The following TGIF2 variants were observed in gnomAD, a reference collection of about 807,000 sequenced individuals.
TGIF2 encodes TGFB induced factor homeobox 2.
Under a neutral mutation model 15.1 loss-of-function variants are expected in TGIF2, and 5 were observed. That is an observed-to-expected ratio of 0.33 (90% CI 0.17 to 0.70). The LOEUF is 0.70. Among genes scored for constraint, TGIF2 ranks in the 30% least tolerant of loss-of-function variants. The pLI, the probability that TGIF2 is intolerant of heterozygous loss-of-function variation, is 0.67. For missense variants in TGIF2, 264 were observed against 302.5 expected (o/e 0.87, Z 0.94); for synonymous variants, 131 against 128.9 (o/e 1.02, Z -0.11).
intron 1 of TGIF2, among the ~76,000 whole-genome samples, chr20:36,578,532 A>G (rs2038477888): frequency 6.6e-6 from 1 of 152,228 alleles, no homozygotes; most frequent in South Asian, 2.1e-4. Context: ...ATGAGCTGCC[A>G]TTCGGTAGTC....
chr20:36,589,670 C>T (rs1321352468), intron 2 of TGIF2, among the ~76,000 whole-genome samples: 10 of 151,734 alleles, frequency 6.6e-5, no homozygotes, highest in African/African-American at 2.4e-4. Context: ...GGATTACAGG[C>T]GTGAGCCACC....
At chr20:36,577,871 A>C (rs1272334430) in intron 1 of TGIF2, among the ~76,000 whole-genome samples, 21 of 151,920 alleles carry the variant, frequency 1.4e-4, no homozygotes, top group Non-Finnish European at 2.9e-5. Flanking sequence ...GCAGTGGCAC[A>C]AACACAGTTC....
chr20:36,593,848 G>A lies in TGIF2; in HGVS notation c.*2417G>A, dbSNP rs923588388. 1.3e-5 allele frequency: 2 copies of A among 152,590 alleles called. No homozygotes were observed. The highest frequency in any genetic ancestry group is 1.3e-4 in the Admixed American group (2 of 15,272). The allele number at this position is 152,590 out of a possible 1,614,324, so 9.5% of individuals were successfully genotyped here. A position where few individuals can be genotyped will look rare whatever the true frequency, so the allele number is the denominator to read the frequency against. ...GTTTGGTTGTAAGATAAACCTGGAG[G>A]AGAAGCACAGTTGTCCCATTGAATT... On this transcript the variant is annotated 3_prime_UTR_variant, in exon 3 of 3. Coordinates refer to ENST00000373872, the MANE Select transcript of TGIF2 (RefSeq NM_021809.7).
At chr20:36,583,360 G>C (rs891569279) in intron 2 of TGIF2, among the ~76,000 whole-genome samples, 3 of 149,844 alleles carry the variant, frequency 2.0e-5, no homozygotes, top group Admixed American at 1.3e-4. Flanking sequence ...TGGGAGGCTA[G>C]GATGGGAGAC....
intron 1 of TGIF2, among the ~76,000 whole-genome samples, 196 bp from the exon 2 acceptor site, chr20:36,578,545 C>T (rs1488255110): frequency 6.6e-6 from 1 of 152,218 alleles, no homozygotes; most frequent in Non-Finnish European, 1.5e-5. Context: ...CGGTAGTCAC[C>T]TACCTGTTCC....
At chr20:36,584,772 C>A (rs2038619968) in intron 2 of TGIF2, among the ~76,000 whole-genome samples, 1 of 152,118 alleles carries the variant, frequency 6.6e-6, no homozygotes, top group Admixed American at 6.5e-5. Flanking sequence ...GTCTCGAACT[C>A]CCGACCTCAG....
At chr20:36,589,070 T>C (rs1335889859) in intron 2 of TGIF2, among the ~76,000 whole-genome samples, 2 of 152,252 alleles carry the variant, frequency 1.3e-5, no homozygotes. Context: ...TAGAACATTC[T>C]TAGCTTTCTG....
At chr20:36,578,647 T>C (rs948910212) in intron 1 of TGIF2, 94 bp from the exon 2 acceptor site, 6 of 1,352,920 alleles carry the variant, frequency 4.4e-6, no homozygotes, top group Non-Finnish European at 5.9e-6. Context: ...CCATTTCTGG[T>C]GTCCCAGGCT....
At chr20:36,589,180 T>C (rs942258417) in intron 2 of TGIF2, among the ~76,000 whole-genome samples, 4 of 152,166 alleles carry the variant, frequency 2.6e-5, no homozygotes, top group Admixed American at 2.6e-4. Flanking sequence ...CTTGTTTCTG[T>C]TGGGGGCTTG....
At chr20:36,578,235 A>C (rs2038471367) in intron 1 of TGIF2, among the ~76,000 whole-genome samples, 1 of 151,808 alleles carries the variant, frequency 6.6e-6, no homozygotes. Flanking sequence ...AATATGGTGA[A>C]ACCCTGTGTC....
chr20:36,576,969 T>A (rs1429637345), intron 1 of TGIF2, among the ~76,000 whole-genome samples: 1 of 152,080 alleles, frequency 6.6e-6, no homozygotes, highest in African/African-American at 2.4e-5. Flanking sequence ...CCTCCCAAAG[T>A]GCCAGGAGTA....
At position 36,593,857 on chromosome 20, in the gene TGIF2, A is replaced by C. The variant is rs2038807264; in HGVS notation, c.*2426A>C. The stretch of plus-strand genomic sequence containing the variant: ...TAAGATAAACCTGGAGGAGAAGCAC[A>C]GTTGTCCCATTGAATTATTTGAGCA... On this transcript the variant is annotated 3_prime_UTR_variant, in exon 3 of 3. Transcript: ENST00000373872. The C allele has an allele frequency of 6.6e-6, 1 of 152,642 alleles. No individual in the cohort carries two copies. Among genetic ancestry groups the C allele is most frequent in the African/African-American group, 2.4e-5 (1 of 41,456 alleles). The allele number at this position is 152,642 out of a possible 1,614,324, so 9.5% of individuals were successfully genotyped here. A position where few individuals can be genotyped will look rare whatever the true frequency, so the allele number is the denominator to read the frequency against.
At chr20:36,585,465 T>TAA (rs998173848) in intron 2 of TGIF2, among the ~76,000 whole-genome samples, 2,069 of 103,944 alleles carry the variant, frequency 0.02, 56 homozygotes, top group African/African-American at 0.064. Context: ...ACTCTGTCTT[T>TAA]AAAAAAAAAA....
At chr20:36,582,920 T>C (rs1811491395) in intron 2 of TGIF2, among the ~76,000 whole-genome samples, 2 of 152,174 alleles carry the variant, frequency 1.3e-5, no homozygotes, top group African/African-American at 2.4e-5. Context: ...GGGTTTTGGC[T>C]TCTTTCCTAC....
At chr20:36,583,137 G>A (rs1476919347) in intron 2 of TGIF2, among the ~76,000 whole-genome samples, 2 of 151,670 alleles carry the variant, frequency 1.3e-5, no homozygotes, top group East Asian at 1.9e-4. Flanking sequence ...AAAAATAGCC[G>A]GGCATGGTGG....
chr20:36,579,020 A>G (rs938872277), intron 2 of TGIF2, 54 bp downstream of exon 2: 8 of 1,572,010 alleles, frequency 5.1e-6, no homozygotes, highest in African/African-American at 2.7e-5. Flanking sequence ...TTCTAGTCCT[A>G]TTCCAGCTGT....
At chr20:36,583,970 G>C (rs562571006) in intron 2 of TGIF2, among the ~76,000 whole-genome samples, 8 of 152,262 alleles carry the variant, frequency 5.3e-5, no homozygotes, top group African/African-American at 1.9e-4. Context: ...AGGAGGCTGA[G>C]GCAAGAGAAT....
intron 2 of TGIF2, among the ~76,000 whole-genome samples, chr20:36,580,305 T>C (rs747524658): frequency 6.6e-6 from 1 of 152,212 alleles, no homozygotes; most frequent in Non-Finnish European, 1.5e-5. Context: ...CCTGACTTTA[T>C]ACTCTGGGCA....
rs1247126777 is a variant in TGIF2 at position 36,592,778 on chromosome 20, TCCC to T, written c.*1350_*1352del. On this transcript the variant is annotated 3_prime_UTR_variant, in exon 3 of 3. Transcript: ENST00000373872. Reference sequence around the variant, plus strand: ...ACGATTGGTCTTATGCTCCTCCCTTTCCCCCATTTTTTCTTTTGCTGTTTTGTT... The same window carrying T: ...ACGATTGGTCTTATGCTCCTCCCTTTCCATTTTTTCTTTTGCTGTTTTGTT... 1.9e-5 allele frequency: 3 copies of T among 154,856 alleles called. No homozygotes were observed. The highest frequency in any genetic ancestry group is 2.9e-5 in the Non-Finnish European group (2 of 70,144). 9.6% of individuals were successfully genotyped at this position (154,856 alleles called of 1,614,324 possible).
Sources: allele counts gnomAD v4.1 joint callset (sites outside exome capture counted in the v4.1 genomes callset), GRCh38; gene constraint gnomAD v4.1.1; transcripts MANE v1.5; gene names NCBI Gene and HGNC (gene_info 2026-07-23, HGNC 2026-07-21).